Variants in TAF9 observed in about 807,000 individuals in gnomAD.
The protein encoded by TAF9 is TATA-box binding protein associated factor 9, also known as transcription initiation factor TFIID subunit 9.
Under a neutral mutation model 16.5 loss-of-function variants are expected in TAF9, and 10 were observed. The ratio of observed to expected loss-of-function variants is 0.61; its 90% confidence interval spans 0.37 to 1.03. The LOEUF is 1.03. TAF9 is among the 50% of genes least tolerant of loss of function. The probability of loss-of-function intolerance (pLI) is 0.01; values close to 1 mark genes in which losing one functional copy is unlikely to be tolerated. For missense variants in TAF9, 288 were observed against 319.1 expected (o/e 0.90, Z 0.74); for synonymous variants, 105 against 120.5 (o/e 0.87, Z 0.84).
rs4252222 is a variant in TAF9, at chr5:69,368,254, C to T, written c.-111+1209G>A. On this transcript the variant is annotated intron_variant, in intron 1 of 2. Coordinates refer to ENST00000217893, the MANE Select transcript of TAF9 (RefSeq NM_003187.5). Reference sequence around the variant, plus strand: ...ATACATTGTTCTTTACCTTCCCCTTCTGATACCTATTAAAATTACATTTCA... The same window carrying T: ...ATACATTGTTCTTTACCTTCCCCTTTTGATACCTATTAAAATTACATTTCA... Among the ~76,000 whole-genome samples the T allele has an allele frequency of 6.1e-3, 930 of 152,298 alleles. 7 individuals carry two copies. The highest frequency in any genetic ancestry group is 0.021 in the African/African-American group (879 of 41,560).
At chr5:69,366,864 T>G (rs1316411269) in intron 1 of TAF9, 1 of 382,286 alleles carries the variant, frequency 2.6e-6, no homozygotes. Flanking sequence ...GTTCAAGCGA[T>G]TCTCCTGCCT....
chr5:69,367,134 T>TA (rs2150741197), intron 1 of TAF9, among the ~76,000 whole-genome samples: 1 of 152,268 alleles, frequency 6.6e-6, no homozygotes, highest in East Asian at 1.9e-4. Flanking sequence ...TTACCCAGTG[T>TA]ATTGATTCTC....
intron 1 of TAF9, chr5:69,369,243 C>CCCCCCCCCCCGCCCA: frequency 3.8e-6 from 1 of 261,300 alleles, no homozygotes; most frequent in South Asian, 1.2e-4. Context: ...CCCGCCCCCC[C>CCCCCCCCCCCGCCCA]CCGGAGCCTC....
rs1307873512 is a variant in TAF9 at position 69,365,173 on chromosome 5, C to T, written c.565G>A (p.Val189Ile). The change falls in exon 3 of 3, where the codon GTA becomes ATA. Residue 189 changes from valine to isoleucine, a missense_variant. Physicochemically the swap from Val to Ile is conservative, Grantham distance 29. Coordinates refer to ENST00000217893, the MANE Select transcript of TAF9 (RefSeq NM_003187.5). ...GGAGACTGAGAAGTAGGCATCTGTA[C>T]TGTAAACCTTTGACCTGTGAGGGAC... The part of the protein sequence containing the change: ...PMSLTGQRFT[V>I]QMPTSQSPAV... The T allele has an allele frequency of 6.2e-7, 1 of 1,614,216 alleles. No homozygotes were observed. The highest frequency in any genetic ancestry group is 8.5e-7 in the Non-Finnish European group (1 of 1,180,040).
rs528966074 is a variant in TAF9, at chr5:69,366,826, T to C, written c.-110-231A>G. On this transcript the variant is annotated intron_variant, in intron 1 of 2. Coordinates refer to ENST00000217893, the MANE Select transcript of TAF9 (RefSeq NM_003187.5). ...CAGGCTGGAGTGCAGTGGCACAATC[T>C]TGGCTCACTGCAACCTCCACCTCCC... 8.8e-4 allele frequency: 428 copies of C among 488,060 alleles called. 1 individual carries two copies. In the Middle Eastern group the frequency reaches 0.014, roughly 16 times the overall value. 30.2% of individuals were successfully genotyped at this position (488,060 alleles called of 1,614,324 possible). A position where few individuals can be genotyped will look rare whatever the true frequency, so the allele number is the denominator to read the frequency against.
rs369843156 is a variant in TAF9 at position 69,365,428 on chromosome 5, A to C, written c.310T>G (p.Leu104Val). The C allele has an allele frequency of 6.2e-7, 1 of 1,614,094 alleles. No individual in the cohort carries two copies. The highest frequency in any genetic ancestry group is 1.3e-5 in the African/African-American group (1 of 74,924). Residue 104 changes from leucine (L) to valine (V), a missense_variant, in exon 3 of 3, where the codon TTG becomes GTG. Coordinates refer to ENST00000217893, the MANE Select transcript of TAF9 (RefSeq NM_003187.5). ...CCTGAATATGGCTTGATCAATGGCA[A>C]AGGGGTTTGATTTCTTTGCCTTGCA... is the stretch of plus-strand genomic sequence containing the variant. Reference protein sequence around the residue: ...DIARQRNQTPLPLIKPYSGPR... With the variant: ...DIARQRNQTPVPLIKPYSGPR...
At chr5:69,369,374 G>A in intron 1 of TAF9, 89 bp downstream of exon 1, 1 of 1,475,196 alleles carries the variant, frequency 6.8e-7, no homozygotes, top group East Asian at 2.5e-5. Flanking sequence ...AGAGGGCAGT[G>A]AGGGGCCCCC....
At chr5:69,367,115 G>A (rs753365193) in intron 1 of TAF9, among the ~76,000 whole-genome samples, 2 of 152,090 alleles carry the variant, frequency 1.3e-5, no homozygotes, top group Non-Finnish European at 2.9e-5. Flanking sequence ...CTAACTGAAT[G>A]TCAGAATATT....
intron 1 of TAF9, among the ~76,000 whole-genome samples, chr5:69,367,289 G>A (rs920834365): frequency 6.6e-6 from 1 of 151,670 alleles, no homozygotes; most frequent in Non-Finnish European, 1.5e-5. Flanking sequence ...GAGGCGGGCA[G>A]ATCACAAGGT....
chr5:69,368,899 G>C (rs932360237), intron 1 of TAF9: 1 of 152,860 alleles, frequency 6.5e-6, no homozygotes, highest in Non-Finnish European at 1.5e-5. Context: ...CCTTTTAAGG[G>C]GCGGGGGGAT....
At position 69,364,980 on chromosome 5, in the gene TAF9, T is replaced by C; in HGVS notation, c.758A>G (p.Asp253Gly). ...ALKRKREDDD[D>G]DDDDDDDYDN... ...ATAGTCATCATCATCATCATCGTCATCATCATCATCTTCACGTTTTCTTTT... is the reference window on the plus strand; with the variant it reads ...ATAGTCATCATCATCATCATCGTCACCATCATCATCTTCACGTTTTCTTTT... Residue 253 changes from aspartate (D) to glycine (G), a missense_variant, in exon 3 of 3, where the codon GAT becomes GGT. Transcript: ENST00000217893. 1.4e-5 allele frequency: 23 copies of C among 1,613,432 alleles called. No homozygotes were observed. Among genetic ancestry groups the C allele is most frequent in the Non-Finnish European group, 1.9e-5 (23 of 1,179,730 alleles).
chr5:69,366,751 C>T (rs1762444493), intron 1 of TAF9, 156 bp from the exon 2 acceptor site: 1 of 617,860 alleles, frequency 1.6e-6, no homozygotes, highest in South Asian at 2.0e-5. Flanking sequence ...TCCTAATTAG[C>T]AATCATATGT....
At chr5:69,369,419 C>G in intron 1 of TAF9, 44 bp downstream of exon 1, 1 of 1,602,686 alleles carries the variant, frequency 6.2e-7, no homozygotes, top group Non-Finnish European at 8.5e-7. Flanking sequence ...ACTCTGCGCC[C>G]CCAGCCTGCC....
chr5:69,364,962 T>C lies in TAF9; in HGVS notation c.776A>G (p.Asp259Gly). Residue 259 changes from aspartate to glycine, a missense_variant, in exon 3 of 3, where the codon GAT becomes GGT. By Grantham distance (94) the Asp-to-Gly change is moderately conservative. Transcript: ENST00000217893. ...GCTAGATTACAGATTATCATAGTCA[T>C]CATCATCATCATCGTCATCATCATC... ...EDDDDDDDDD[D>G]DYDNL 1 of 1,611,866 alleles carries C rather than the reference T, an allele frequency of 6.2e-7. No individual in the cohort carries two copies. Among genetic ancestry groups the C allele is most frequent in the African/African-American group, 1.3e-5 (1 of 74,996 alleles).
intron 1 of TAF9, 167 bp downstream of exon 1, chr5:69,369,296 C>A: frequency 1.6e-6 from 1 of 638,902 alleles, no homozygotes; most frequent in South Asian, 2.8e-5. Flanking sequence ...CCTCGCCTCC[C>A]GCAACGCCCG....
chr5:69,369,501 G>C lies in TAF9; in HGVS notation c.-149C>G, dbSNP rs1444832656. On this transcript the variant is annotated 5_prime_UTR_variant, in exon 1 of 3. Transcript: ENST00000217893. ...GTTCGGAAGCAACATGGTCCCCGCC[G>C]CGACGGCTTCGGGCGCCTCGCTCAC... is the stretch of plus-strand genomic sequence containing the variant. 1 of 1,611,330 alleles carries C rather than the reference G, an allele frequency of 6.2e-7. No homozygotes were observed. Among genetic ancestry groups the C allele is most frequent in the East Asian group, 2.2e-5 (1 of 44,776 alleles).
In TAF9 at chr5:69,369,516, G is replaced by A. The variant is rs1384041118; in HGVS notation, c.-164C>T. On this transcript the variant is annotated 5_prime_UTR_variant, in exon 1 of 3. Transcript: ENST00000217893. The stretch of plus-strand genomic sequence containing the variant: ...GGTCCCCGCCGCGACGGCTTCGGGC[G>A]CCTCGCTCACGTGCCCTTTGCTCTA... The A allele has an allele frequency of 3.7e-6, 6 of 1,611,048 alleles. No individual in the cohort carries two copies. The highest frequency in any genetic ancestry group is 5.1e-6 in the Non-Finnish European group (6 of 1,179,128).
chr5:69,368,452 A>G (rs1213925224), intron 1 of TAF9, among the ~76,000 whole-genome samples: 1 of 152,204 alleles, frequency 6.6e-6, no homozygotes, highest in Non-Finnish European at 1.5e-5. Flanking sequence ...TTTCAATAAA[A>G]TGTTCACTTT....
chr5:69,369,800 G>A (rs1372928919), upstream of TAF9: 3 of 1,292,860 alleles, frequency 2.3e-6, no homozygotes, highest in African/African-American at 4.5e-5. Context: ...GACCAGTCTG[G>A]AAGGTCCCCG....
Sources: gnomAD v4.1 joint callset for allele counts (sites outside exome capture counted in the v4.1 genomes callset) on GRCh38, gnomAD v4.1.1 for gene constraint, MANE v1.5 for transcripts, NCBI Gene and HGNC (gene_info 2026-07-23, HGNC 2026-07-21) for gene names.